The following GPC3 variants were observed in gnomAD, a reference collection of about 807,000 sequenced individuals.
The protein encoded by GPC3 is glypican 3.
GPC3 carries 3 observed loss-of-function variants against 34.4 expected under a neutral mutation model. That is an observed-to-expected ratio of 0.09 (90% confidence interval 0.04 to 0.23). The LOEUF (loss-of-function observed/expected upper bound fraction) is 0.23. GPC3 is among the 10% of genes least tolerant of loss of function. The pLI, the probability that GPC3 is intolerant of heterozygous loss-of-function variation, is 1.00. For missense variants in GPC3, 351 were observed against 445.6 expected (o/e 0.79, Z 1.91); for synonymous variants, 177 against 174.0 (o/e 1.02, Z -0.13).
At chrX:133,756,667 G>T (rs1358989642) in intron 2 of GPC3, among the ~76,000 whole-genome samples, 1 of 112,612 alleles carries the variant, frequency 8.9e-6, no homozygotes, top group African/African-American at 3.2e-5. Flanking sequence ...AATAGAAAAA[G>T]AAAATTATAA....
At chrX:133,896,568 C>T (rs1274511600) in intron 2 of GPC3, among the ~76,000 whole-genome samples, 1 of 111,428 alleles carries the variant, frequency 9.0e-6, no homozygotes, top group Non-Finnish European at 1.9e-5. Context: ...CAAATTTGTA[C>T]TCAGTGAATT....
chrX:133,972,093 C>T (rs766521709), intron 1 of GPC3, among the ~76,000 whole-genome samples: 2 of 111,463 alleles, frequency 1.8e-5, no homozygotes, highest in East Asian at 5.6e-4. Flanking sequence ...CTTTTGAAGG[C>T]CAAAAAACCC....
At position 133,949,774 on chromosome X, in the gene GPC3, C is replaced by T. The variant is rs138749540; in HGVS notation, c.337+3276G>A. Among the ~76,000 whole-genome samples, 681 of 111,815 alleles carry T rather than the reference C, an allele frequency of 6.1e-3. 5 individuals carry two copies. The highest frequency in any genetic ancestry group is 0.02 in the African/African-American group (625 of 30,864). On this transcript the variant is annotated intron_variant, in intron 2 of 7. Transcript: ENST00000370818. ...AGGTATAGAGGTGGTAGTGAGATGA[C>T]GAAAAATTCAGAATTCTATTCCATT...
intron 2 of GPC3, among the ~76,000 whole-genome samples, chrX:133,909,514 T>C (rs1180400209): frequency 8.9e-6 from 1 of 112,049 alleles, no homozygotes; most frequent in Non-Finnish European, 1.9e-5. Context: ...TCAATATGAA[T>C]GTTTTAGATT....
At chrX:133,961,431 T>C (rs1488529760) in intron 1 of GPC3, among the ~76,000 whole-genome samples, 1 of 111,755 alleles carries the variant, frequency 8.9e-6, no homozygotes, top group Non-Finnish European at 1.9e-5. Context: ...TGCCTATCAT[T>C]TCATGCCCAG....
At chrX:133,802,006 C>T (rs1216017886) in intron 2 of GPC3, among the ~76,000 whole-genome samples, 1 of 111,906 alleles carries the variant, frequency 8.9e-6, no homozygotes, top group African/African-American at 3.2e-5. Context: ...CCTTACTGCC[C>T]TCTTCATTTC....
At chrX:133,628,167 C>T (rs1390270985) in intron 6 of GPC3, among the ~76,000 whole-genome samples, 1 of 112,308 alleles carries the variant, frequency 8.9e-6, no homozygotes, top group Non-Finnish European at 1.9e-5. Context: ...CTCCAGCTAT[C>T]TCAATATTTG....
intron 2 of GPC3, among the ~76,000 whole-genome samples, chrX:133,775,011 T>C (rs1051800229): frequency 8.9e-6 from 1 of 112,091 alleles, no homozygotes; most frequent in Non-Finnish European, 1.9e-5. Flanking sequence ...GATTGACACA[T>C]TCTTTCTTCT....
At chrX:133,970,484 T>C (rs2076486358) in intron 1 of GPC3, among the ~76,000 whole-genome samples, 1 of 108,229 alleles carries the variant, frequency 9.2e-6, no homozygotes, top group Admixed American at 1.0e-4. Flanking sequence ...AAACACACAA[T>C]CTCATACCTA....
At chrX:133,874,853 T>A (rs1421396478) in intron 2 of GPC3, among the ~76,000 whole-genome samples, 2 of 112,368 alleles carry the variant, frequency 1.8e-5, no homozygotes, top group Non-Finnish European at 3.7e-5. Context: ...TCTCTGCCAT[T>A]AATTCAAAGC....
In GPC3 at chrX:133,605,179, G is replaced by GC. The variant is rs371972079; in HGVS notation, c.1414-8581_1414-8580insG. Among the ~76,000 whole-genome samples, 319 of 108,736 alleles carry GC rather than the reference G, an allele frequency of 2.9e-3. 1 individual carries two copies. The highest frequency in any genetic ancestry group is 0.01 in the African/African-American group (297 of 29,661). 94.4% of individuals were successfully genotyped at this position (108,736 alleles called of 115,157 possible). A position where few individuals can be genotyped will look rare whatever the true frequency, so the allele number is the denominator to read the frequency against. On this transcript the variant is annotated intron_variant, in intron 6 of 7. Transcript: ENST00000370818. ...ATATATGCACTTCACACGTGGGGGG[G>GC]GGGCAATAAAGTATAGCAGTTAAGG...
intron 2 of GPC3, among the ~76,000 whole-genome samples, chrX:133,935,890 T>C (rs1261584970): frequency 3.6e-5 from 4 of 110,464 alleles, no homozygotes; most frequent in African/African-American, 1.3e-4. Context: ...ATATGACAAC[T>C]AAGGCATTAT....
chrX:133,936,289 G>T (rs1336072640), intron 2 of GPC3, among the ~76,000 whole-genome samples: 1 of 108,394 alleles, frequency 9.2e-6, no homozygotes, highest in East Asian at 2.8e-4. Context: ...GAGCCACCTT[G>T]CCCGGCCTGA....
chrX:133,639,693 A>C (rs1331459981), intron 6 of GPC3, among the ~76,000 whole-genome samples: 2 of 111,697 alleles, frequency 1.8e-5, no homozygotes, highest in African/African-American at 6.5e-5. Context: ...TAGGAAAAAA[A>C]AAAATCAAAT....
intron 2 of GPC3, among the ~76,000 whole-genome samples, chrX:133,826,666 G>GA (rs2075748211): frequency 1.8e-5 from 2 of 111,125 alleles, no homozygotes; most frequent in Non-Finnish European, 3.8e-5. Context: ...TTGATTTTTT[G>GA]AAAAAATCAA....
intron 6 of GPC3, among the ~76,000 whole-genome samples, chrX:133,620,739 T>C (rs766284804): frequency 7.2e-5 from 8 of 111,780 alleles, no homozygotes; most frequent in African/African-American, 2.6e-4. Context: ...GGAGGCTTCA[T>C]CTGCACAATA....
intron 6 of GPC3, among the ~76,000 whole-genome samples, chrX:133,656,311 C>G (rs143409116): frequency 0.014 from 1,518 of 112,251 alleles, 37 homozygotes; most frequent in African/African-American, 0.047. Context: ...TTCTGCACAT[C>G]TTTTCTATAT....
intron 2 of GPC3, among the ~76,000 whole-genome samples, chrX:133,754,982 C>G (rs2071713310): frequency 9.0e-6 from 1 of 111,646 alleles, no homozygotes; most frequent in South Asian, 3.8e-4. Flanking sequence ...CTGCCCCAAC[C>G]CCTTTGCATA....
intron 2 of GPC3, among the ~76,000 whole-genome samples, chrX:133,863,850 T>A (rs1222783272): frequency 1.2e-4 from 12 of 100,655 alleles, no homozygotes; most frequent in African/African-American, 4.6e-4. Flanking sequence ...AGAGACGGGG[T>A]TTCACCTTGT....
Sources: gnomAD v4.1 joint callset for allele counts (sites outside exome capture counted in the v4.1 genomes callset) on GRCh38, gnomAD v4.1.1 for gene constraint, MANE v1.5 for transcripts, NCBI Gene and HGNC (gene_info 2026-07-23, HGNC 2026-07-21) for gene names.